The following FGF13 variants were observed in gnomAD, a reference collection of about 807,000 sequenced individuals.
FGF13 encodes the protein fibroblast growth factor homologous factor 2.
Under a neutral mutation model 19.5 loss-of-function variants are expected in FGF13, and 2 were observed. The ratio of observed to expected loss-of-function variants is 0.10; its 90% CI spans 0.04 to 0.32. FGF13 has a LOEUF of 0.32. FGF13 is among the 10% of genes least tolerant of loss of function. The pLI is 1.00. For missense variants in FGF13, 113 were observed against 192.7 expected, an observed-to-expected ratio of 0.59 and a Z score of 2.45; for synonymous variants, 72 against 76.9, an observed-to-expected ratio of 0.94 and a Z score of 0.33.
chrX:139,053,092 A>G (rs1192034569), intron 1 of FGF13, among the ~76,000 whole-genome samples: 1 of 105,868 alleles, frequency 9.4e-6, no homozygotes, highest in Non-Finnish European at 1.9e-5. Flanking sequence ...CATATTAGTG[A>G]GAACACACGA....
chrX:138,844,691 T>G (rs575713055), intron 3 of FGF13, among the ~76,000 whole-genome samples: 76 of 111,591 alleles, frequency 6.8e-4, no homozygotes, highest in Middle Eastern at 4.6e-3. Context: ...TTTTCCTTCT[T>G]TTTCTTCTGG....
intron 1 of FGF13, among the ~76,000 whole-genome samples, chrX:139,095,318 A>T (rs1194991201): frequency 8.9e-6 from 1 of 112,337 alleles, no homozygotes; most frequent in Non-Finnish European, 1.9e-5. Context: ...AATTGCACAC[A>T]TCACACATTC....
At chrX:138,873,511 G>C (rs1250705608) in intron 1 of FGF13, among the ~76,000 whole-genome samples, 1 of 111,781 alleles carries the variant, frequency 8.9e-6, no homozygotes, top group African/African-American at 3.3e-5. Flanking sequence ...GGGAAATAAA[G>C]CTGTGAATTC....
intron 3 of FGF13, among the ~76,000 whole-genome samples, chrX:138,652,704 G>T (rs1480458024): frequency 2.7e-5 from 3 of 111,921 alleles, no homozygotes; most frequent in Non-Finnish European, 5.6e-5. Flanking sequence ...TCTACCCAAA[G>T]AAACGAAATA....
At chrX:138,713,949 C>T (rs1216748629), upstream of FGF13, among the ~76,000 whole-genome samples, 1 of 111,438 alleles carries the variant, frequency 9.0e-6, no homozygotes, top group Non-Finnish European at 1.9e-5. Flanking sequence ...TGATTCTACA[C>T]GTGTTTGTAG....
chrX:138,996,503 A>G (rs2092043721), intron 1 of FGF13, among the ~76,000 whole-genome samples: 1 of 112,098 alleles, frequency 8.9e-6, no homozygotes, highest in Non-Finnish European at 1.9e-5. Context: ...TGGTGGGGGG[A>G]GGGGCGTCCA....
At chrX:139,165,229 G>A (rs1228961350) in intron 1 of FGF13, among the ~76,000 whole-genome samples, 1 of 112,318 alleles carries the variant, frequency 8.9e-6, no homozygotes, top group Non-Finnish European at 1.9e-5. Flanking sequence ...TGATGAACTA[G>A]GATATCTGGC....
chrX:138,883,093 T>A (rs1268680710), intron 1 of FGF13, among the ~76,000 whole-genome samples: 4 of 112,391 alleles, frequency 3.6e-5, no homozygotes, highest in African/African-American at 1.3e-4. Flanking sequence ...ATCTTTGGCA[T>A]CAGCTGTCCA....
chrX:138,942,766 G>A (rs1220926715), intron 1 of FGF13, among the ~76,000 whole-genome samples: 2 of 111,663 alleles, frequency 1.8e-5, no homozygotes, highest in Non-Finnish European at 3.8e-5. Flanking sequence ...GAAAAACAAC[G>A]TCAATATTAC....
chrX:138,842,997 A>G (rs1602945519), intron 3 of FGF13, among the ~76,000 whole-genome samples: 2 of 112,041 alleles, frequency 1.8e-5, no homozygotes, highest in Admixed American at 9.5e-5. Flanking sequence ...TTTTAAGCCA[A>G]TGTTATTCAT....
At chrX:139,098,056 A>AAC (rs780022657) in intron 1 of FGF13, among the ~76,000 whole-genome samples, 2 of 110,847 alleles carry the variant, frequency 1.8e-5, no homozygotes, top group Non-Finnish European at 3.8e-5. Flanking sequence ...AAACATTAGA[A>AAC]ACACACACAC....
chrX:138,842,007 T>A (rs1602944503), intron 3 of FGF13, among the ~76,000 whole-genome samples: 1 of 111,832 alleles, frequency 8.9e-6, no homozygotes, highest in African/African-American at 3.3e-5. Flanking sequence ...ATGTTCTAAG[T>A]TTTTCAATGT....
At chrX:138,940,774 T>G (rs1374255509) in intron 1 of FGF13, among the ~76,000 whole-genome samples, 1 of 111,153 alleles carries the variant, frequency 9.0e-6, no homozygotes, top group Non-Finnish European at 1.9e-5. Flanking sequence ...CCCTCTATTC[T>G]GTTCCATTGG....
intron 3 of FGF13, among the ~76,000 whole-genome samples, chrX:138,783,834 T>C (rs2090668762): frequency 9.1e-6 from 1 of 110,460 alleles, no homozygotes; most frequent in Non-Finnish European, 1.9e-5. Context: ...CAAAGGACTA[T>C]AAATCATGCT....
chrX:138,826,181 A>T (rs762796438), intron 3 of FGF13, among the ~76,000 whole-genome samples: 1 of 111,837 alleles, frequency 8.9e-6, no homozygotes, highest in East Asian at 2.8e-4. Flanking sequence ...AAATATTTGG[A>T]TGTGCTATTT....
intron 1 of FGF13, among the ~76,000 whole-genome samples, chrX:138,916,480 A>ACAGCAATGAATCAGAAAAAGG (rs2091618897): frequency 1.8e-5 from 2 of 112,126 alleles, no homozygotes; most frequent in South Asian, 7.5e-4. Flanking sequence ...TCAGACAGGG[A>ACAGCAATGAATCAGAAAAAGG]CAGCAATGAA....
At chrX:138,816,638 T>C (rs1442307781) in intron 3 of FGF13, among the ~76,000 whole-genome samples, 2 of 112,755 alleles carry the variant, frequency 1.8e-5, no homozygotes, top group African/African-American at 6.4e-5. Context: ...ACAAATGATT[T>C]GTTTTTCTCT....
upstream of FGF13, among the ~76,000 whole-genome samples, chrX:138,715,652 T>C (rs1569373060): frequency 8.9e-6 from 1 of 112,355 alleles, no homozygotes; most frequent in Non-Finnish European, 1.9e-5. Context: ...TTTTCCCATA[T>C]GTTCCTGTTC....
chrX:139,174,960 G>A (rs1368014329), intron 1 of FGF13, among the ~76,000 whole-genome samples: 1 of 111,883 alleles, frequency 8.9e-6, no homozygotes, highest in African/African-American at 3.3e-5. Context: ...GATAGGGATA[G>A]CATTGAATCT....
Sources: gnomAD v4.1 joint callset for allele counts (sites outside exome capture counted in the v4.1 genomes callset) on GRCh38, gnomAD v4.1.1 for gene constraint, MANE v1.5 for transcripts, NCBI Gene and HGNC (gene_info 2026-07-23, HGNC 2026-07-21) for gene names.